Variants in BACE2 observed in about 807,000 individuals in gnomAD.
BACE2 encodes the protein 56 kDa aspartic-like protease.
In BACE2, 17 loss-of-function variants were observed where a neutral mutation model predicts 46.2. That is an observed-to-expected ratio of 0.37 (90% CI 0.25 to 0.55). The LOEUF (loss-of-function observed/expected upper bound fraction) is 0.55. Ranked by LOEUF, BACE2 falls within the 20% of genes least tolerant of loss-of-function variation. BACE2 has a pLI of 0.82. For synonymous variants in BACE2, 277 were observed against 295.9 expected, an observed-to-expected ratio of 0.94 and a Z score of 0.66; for missense variants, 595 against 698.1, an observed-to-expected ratio of 0.85 and a Z score of 1.66.
intron 1 of BACE2, among the ~76,000 whole-genome samples, chr21:41,206,734 G>T (rs1286611244): frequency 6.6e-6 from 1 of 152,206 alleles, no homozygotes; most frequent in Non-Finnish European, 1.5e-5. Flanking sequence ...CAATGTGAAT[G>T]TACTTAACGC....
chr21:41,275,798 C>A lies in BACE2; in HGVS notation c.*174C>A, dbSNP rs1218214814. 10 of 761,930 alleles carry A rather than the reference C, an allele frequency of 1.3e-5. No individual in the cohort carries two copies. Among genetic ancestry groups the A allele is most frequent in the South Asian group, 2.0e-5 (1 of 49,098 alleles). 47.2% of individuals were successfully genotyped at this position (761,930 alleles called of 1,614,324 possible). A position where few individuals can be genotyped will look rare whatever the true frequency, so the allele number is the denominator to read the frequency against. ...TGTCTTTTGATTCTTGATTTTCAAG[C>A]TTTCAAATCCTCCCTACTTCCAAGA... On this transcript the variant is annotated 3_prime_UTR_variant, in exon 9 of 9. Coordinates refer to ENST00000330333, the MANE Select transcript of BACE2 (RefSeq NM_012105.5).
chr21:41,254,955 A>G (rs2183588), intron 7 of BACE2, among the ~76,000 whole-genome samples: 102,554 of 152,188 alleles, frequency 0.67, 34,910 homozygotes, highest in East Asian at 0.92. Context: ...GGATCCCAAG[A>G]GACGAGGACA....
At chr21:41,215,385 A>G (rs1986430900) in intron 1 of BACE2, among the ~76,000 whole-genome samples, 1 of 152,064 alleles carries the variant, frequency 6.6e-6, no homozygotes, top group Admixed American at 6.6e-5. Context: ...CATTCTCCCT[A>G]CTAGATGCTG....
intron 1 of BACE2, chr21:41,181,755 G>A (rs1985135400): frequency 1.2e-5 from 2 of 167,086 alleles, no homozygotes. Context: ...GGGTATTTTG[G>A]GGTGCTATGG....
rs1332744574 is a variant in BACE2 at position 41,280,446 on chromosome 21, G to C, written c.*4822G>C. 1.3e-5 allele frequency: 2 copies of C among 152,336 alleles called. No homozygotes were observed. Among genetic ancestry groups the C allele is most frequent in the African/African-American group, 4.8e-5 (2 of 41,460 alleles). The allele number at this position is 152,336 out of a possible 1,614,324, so 9.4% of individuals were successfully genotyped here. ...TCCCTCCTGTCTCACTGCTGTCAGCGTGGGAGCCCTGCTCCCCAGGCTCCA... is the reference window on the plus strand; with the variant it reads ...TCCCTCCTGTCTCACTGCTGTCAGCCTGGGAGCCCTGCTCCCCAGGCTCCA... On this transcript the variant is annotated 3_prime_UTR_variant, in exon 9 of 9. Transcript: ENST00000330333.
intron 7 of BACE2, among the ~76,000 whole-genome samples, chr21:41,251,831 AAAAG>A (rs1987650347): frequency 1.3e-5 from 2 of 152,062 alleles, no homozygotes; most frequent in African/African-American, 2.4e-5. Flanking sequence ...AAAGAAAAGA[AAAAG>A]AAAGAAAAAG....
chr21:41,272,555 C>G (rs1001505630), intron 8 of BACE2, among the ~76,000 whole-genome samples: 3 of 151,442 alleles, frequency 2.0e-5, no homozygotes, highest in Non-Finnish European at 4.4e-5. Flanking sequence ...GTCTGTTTTT[C>G]TGCAGTGTAT....
intron 7 of BACE2, among the ~76,000 whole-genome samples, chr21:41,253,253 A>T (rs1555857769): frequency 6.6e-6 from 1 of 152,070 alleles, no homozygotes; most frequent in Non-Finnish European, 1.5e-5. Context: ...CAGCCTGGAC[A>T]ACACAGTGAA....
chr21:41,223,785 G>T (rs1335335072), intron 1 of BACE2, among the ~76,000 whole-genome samples: 1 of 152,198 alleles, frequency 6.6e-6, no homozygotes, highest in African/African-American at 2.4e-5. Context: ...CCAGGGAAAG[G>T]TGTTGAATAG....
rs2088511022 is a variant in BACE2, at chr21:41,278,245, C to T, written c.*2621C>T. On this transcript the variant is annotated 3_prime_UTR_variant, in exon 9 of 9. Coordinates refer to ENST00000330333, the MANE Select transcript of BACE2 (RefSeq NM_012105.5). ...GAAATGAATAGATGCTGCTTTATTTCCTTGATAACTTCTTTGGAAGTCTGA... is the reference window on the plus strand; with the variant it reads ...GAAATGAATAGATGCTGCTTTATTTTCTTGATAACTTCTTTGGAAGTCTGA... 1 of 152,176 alleles carries T rather than the reference C, an allele frequency of 6.6e-6. No individual in the cohort carries two copies. 9.4% of individuals were successfully genotyped at this position (152,176 alleles called of 1,614,324 possible).
rs930313621 is a variant in BACE2 at position 41,253,739 on chromosome 21, G to A, written c.1134+2838G>A. 2.6e-5 allele frequency among the ~76,000 whole-genome samples: 4 copies of A among 152,080 alleles called. No homozygotes were observed. In the East Asian group the frequency reaches 7.7e-4, roughly 29 times the overall value. On this transcript the variant is annotated intron_variant, in intron 7 of 8. Transcript: ENST00000330333. ...GCAAGCTCAGGAGCAGAATGAGAGG[G>A]GTTTGGGAGCATTTCATCTCATTTG...
chr21:41,247,759 T>C (rs1987515974), intron 6 of BACE2, among the ~76,000 whole-genome samples: 1 of 152,234 alleles, frequency 6.6e-6, no homozygotes, highest in African/African-American at 2.4e-5. Context: ...TTGTTTGCGT[T>C]GTCTAAAATT....
intron 3 of BACE2, 105 bp from the exon 4 acceptor site, chr21:41,241,714 A>C (rs1219448253): frequency 1.5e-6 from 2 of 1,343,328 alleles, no homozygotes; most frequent in Non-Finnish European, 2.1e-6. Context: ...GAAAAAATTG[A>C]GTATAAACAC....
chr21:41,241,797 CCTCT>C lies in BACE2; in HGVS notation c.619-19_619-16del. The C allele has an allele frequency of 6.2e-7, 1 of 1,613,702 alleles. No homozygotes were observed. The highest frequency in any genetic ancestry group is 8.5e-7 in the Non-Finnish European group (1 of 1,179,866). On this transcript the variant is annotated intron_variant, in intron 3 of 8. Transcript: ENST00000330333. The stretch of plus-strand genomic sequence containing the variant: ...ACACTGTGAGTCCTAAGCGGGTGCC[CCTCT>C]CTGTCGCCCTCCCGCAGCCATCAAG...
intron 3 of BACE2, among the ~76,000 whole-genome samples, chr21:41,240,483 A>G (rs1389407831): frequency 1.3e-5 from 2 of 152,216 alleles, no homozygotes; most frequent in Non-Finnish European, 2.9e-5. Flanking sequence ...GTATTGGCCC[A>G]TTTAAGCCCC....
chr21:41,216,224 C>T (rs1222416932), intron 1 of BACE2, among the ~76,000 whole-genome samples: 2 of 152,056 alleles, frequency 1.3e-5, no homozygotes, highest in Non-Finnish European at 2.9e-5. Flanking sequence ...GGTGGTGGCT[C>T]CTGCGGGCCG....
chr21:41,282,304 A>G lies in BACE2; in HGVS notation c.*6680A>G, dbSNP rs908873354. On this transcript the variant is annotated 3_prime_UTR_variant, in exon 9 of 9. Coordinates refer to ENST00000330333, the MANE Select transcript of BACE2 (RefSeq NM_012105.5). ...TCTCTATTTCCAGCACGCTGATTTG[A>G]TTTAAAAATGTAATAAGACCAAGAG... The G allele has an allele frequency of 6.6e-6, 1 of 152,154 alleles. No homozygotes were observed. Among genetic ancestry groups the G allele is most frequent in the Non-Finnish European group, 1.5e-5 (1 of 68,024 alleles). The allele number at this position is 152,154 out of a possible 1,614,324, so 9.4% of individuals were successfully genotyped here. A position where few individuals can be genotyped will look rare whatever the true frequency, so the allele number is the denominator to read the frequency against.
rs573621359 is a variant in BACE2, at chr21:41,171,437, G to A, written c.312+2862G>A. 5.9e-5 allele frequency among the ~76,000 whole-genome samples: 9 copies of A among 152,316 alleles called. No individual in the cohort carries two copies. The South Asian group carries it at 1.9e-3, about 32-fold the overall frequency. On this transcript the variant is annotated intron_variant, in intron 1 of 8. Coordinates refer to ENST00000330333, the MANE Select transcript of BACE2 (RefSeq NM_012105.5). ...GTTTAAAGCCCAGTGACTCTGTGAG[G>A]AGTCACAGGCATGTGCCCGGAAGCC... is the stretch of plus-strand genomic sequence containing the variant.
chr21:41,204,209 T>C (rs1453745005), intron 1 of BACE2, among the ~76,000 whole-genome samples: 1 of 152,152 alleles, frequency 6.6e-6, no homozygotes, highest in Non-Finnish European at 1.5e-5. Flanking sequence ...TTGTTTTGTT[T>C]TTTGTTTTTT....
Sources: allele counts gnomAD v4.1 joint callset (sites outside exome capture counted in the v4.1 genomes callset), GRCh38; gene constraint gnomAD v4.1.1; transcripts MANE v1.5; gene names NCBI Gene and HGNC (gene_info 2026-07-23, HGNC 2026-07-21).